The following FRAS1 variants were observed in gnomAD, a reference collection of about 807,000 sequenced individuals.
FRAS1 encodes the protein Fraser extracellular matrix complex subunit 1.
A neutral mutation model predicts 435.2 loss-of-function variants in FRAS1; 290 were observed. That is an observed-to-expected ratio of 0.67 (90% CI 0.61 to 0.73). The LOEUF (loss-of-function observed/expected upper bound fraction) is 0.73, where lower values mean the gene tolerates loss of function less well. Ranked by LOEUF, FRAS1 falls within the 30% of genes least tolerant of loss-of-function variation. FRAS1 has a pLI of 0.00. For synonymous variants in FRAS1, 1,800 were observed against 1,851.0 expected, an observed-to-expected ratio of 0.97 and a Z score of 0.71; for missense variants, 4,860 against 5,001.5, an observed-to-expected ratio of 0.97 and a Z score of 0.85.
At chr4:78,444,164 G>A (rs1718696197) in intron 41 of FRAS1, 2 of 455,406 alleles carry the variant, frequency 4.4e-6, no homozygotes, top group African/African-American at 2.0e-5. Flanking sequence ...CACTACTTGG[G>A]CCATTTTTGA....
chr4:78,252,670 G>C, intron 5 of FRAS1, 119 bp downstream of exon 5: 2 of 1,009,176 alleles, frequency 2.0e-6, no homozygotes, highest in Non-Finnish European at 2.9e-6. Context: ...ATGTTGGCTG[G>C]TCTGAGAAAT....
At chr4:78,116,236 T>A (rs529880870) in intron 2 of FRAS1, among the ~76,000 whole-genome samples, 127 of 152,174 alleles carry the variant, frequency 8.3e-4, no homozygotes, top group Admixed American at 1.4e-3. Flanking sequence ...TGCCAAGGAG[T>A]GCTTTACTTC....
chr4:78,173,775 A>C (rs1328916721), intron 2 of FRAS1, among the ~76,000 whole-genome samples: 1 of 152,200 alleles, frequency 6.6e-6, no homozygotes, highest in Admixed American at 6.5e-5. Flanking sequence ...ATTTTTTAAG[A>C]CATTCTAATT....
chr4:78,099,762 G>A (rs1471303485), intron 2 of FRAS1, among the ~76,000 whole-genome samples: 2 of 152,136 alleles, frequency 1.3e-5, no homozygotes, highest in African/African-American at 4.8e-5. Context: ...AGGTATGTTG[G>A]ATATAAATGA....
At chr4:78,113,074 G>A (rs918408270) in intron 2 of FRAS1, among the ~76,000 whole-genome samples, 19 of 152,090 alleles carry the variant, frequency 1.2e-4, no homozygotes, top group East Asian at 1.9e-4. Context: ...GAGAACATGC[G>A]GTGTTTGGTT....
chr4:78,132,952 G>A (rs1719750964), intron 2 of FRAS1, among the ~76,000 whole-genome samples: 1 of 152,166 alleles, frequency 6.6e-6, no homozygotes, highest in Non-Finnish European at 1.5e-5. Flanking sequence ...CTCAGTTTCT[G>A]ACTTCTCAGC....
At chr4:78,332,337 T>A (rs889419547) in intron 18 of FRAS1, among the ~76,000 whole-genome samples, 2 of 152,150 alleles carry the variant, frequency 1.3e-5, no homozygotes, top group East Asian at 3.9e-4. Context: ...ATCAAAAATA[T>A]AGAAAATAAA....
intron 2 of FRAS1, among the ~76,000 whole-genome samples, chr4:78,115,385 A>C (rs1743080352): frequency 6.6e-6 from 1 of 152,060 alleles, no homozygotes; most frequent in Non-Finnish European, 1.5e-5. Context: ...TATTGATTGG[A>C]ATAGTTTCAG....
At chr4:78,467,267 C>T (rs1243607197) in intron 50 of FRAS1, among the ~76,000 whole-genome samples, 2 of 152,146 alleles carry the variant, frequency 1.3e-5, no homozygotes, top group Non-Finnish European at 2.9e-5. Context: ...TCTCCTCTCT[C>T]TCTCCATGGG....
At chr4:78,368,588 A>G (rs1731373386) in intron 22 of FRAS1, among the ~76,000 whole-genome samples, 1 of 152,238 alleles carries the variant, frequency 6.6e-6, no homozygotes, top group East Asian at 1.9e-4. Flanking sequence ...TAACATTACA[A>G]GGAACAAAAC....
intron 14 of FRAS1, among the ~76,000 whole-genome samples, chr4:78,303,412 G>C (rs1226501650): frequency 2.0e-5 from 3 of 152,178 alleles, no homozygotes; most frequent in Admixed American, 6.5e-5. Flanking sequence ...TTGGTAGCTT[G>C]ATGGGGATGG....
chr4:78,432,513 G>T lies in FRAS1; in HGVS notation c.5126G>T (p.Arg1709Leu), dbSNP rs763116888. ...VRVEVSLSED[R>L]GPRLAAGSSL... ...GTAGAGGTGTCCCTGTCAGAAGACC[G>T]AGGGCCTCGACTGGCTGCTGGCTCC... is the stretch of plus-strand genomic sequence containing the variant. Residue 1709 changes from arginine (R) to leucine (L), a missense_variant, in exon 38 of 74, where the codon CGA (arginine) becomes CTA (leucine). By Grantham distance (102) the Arg-to-Leu change is moderately radical. Transcript: ENST00000512123. The T allele has an allele frequency of 6.2e-7, 1 of 1,612,840 alleles. No homozygotes were observed.
chr4:78,387,554 C>G lies in FRAS1; in HGVS notation c.3828C>G (p.Ile1276Met), dbSNP rs371740394. 4 of 1,613,894 alleles carry G rather than the reference C, an allele frequency of 2.5e-6. No individual in the cohort carries two copies. The highest frequency in any genetic ancestry group is 3.4e-6 in the Non-Finnish European group (4 of 1,179,846). Residue 1276 changes from isoleucine to methionine, a missense_variant, in exon 29 of 74, where the codon ATC becomes ATG. By Grantham distance (10) the Ile-to-Met change is conservative. Coordinates refer to ENST00000512123, the MANE Select transcript of FRAS1 (RefSeq NM_025074.7). ...LQTLQSPATP[I>M]YQFQLDELSR... The stretch of plus-strand genomic sequence containing the variant: ...CACTTCAGTCCCCGGCAACCCCTAT[C>G]TATCAATTCCAGCTGGATGAACTCT...
chr4:78,465,998 C>A (rs1452531063), intron 49 of FRAS1, among the ~76,000 whole-genome samples: 1 of 152,202 alleles, frequency 6.6e-6, no homozygotes, highest in Non-Finnish European at 1.5e-5. Context: ...TTTAATCTTA[C>A]AACTGAAGGT....
intron 2 of FRAS1, among the ~76,000 whole-genome samples, chr4:78,236,782 T>C (rs1047751967): frequency 1.4e-4 from 22 of 152,236 alleles, no homozygotes; most frequent in African/African-American, 4.6e-4. Flanking sequence ...GGTTCACTTT[T>C]CTGTTTGTGA....
intron 1 of FRAS1, among the ~76,000 whole-genome samples, chr4:78,062,617 T>C (rs1215890054): frequency 6.6e-6 from 1 of 152,368 alleles, no homozygotes. Flanking sequence ...ATGCAAATTA[T>C]ATCTCAAAAT....
At position 78,539,300 on chromosome 4, in the gene FRAS1, A is replaced by G; in HGVS notation, c.11305A>G (p.Asn3769Asp). ...CTTTTTTCTGAAATCCTAGGACCGC[A>G]ATCAGCCAGAGGTAACTGATAAGTA... Reference protein sequence around the residue: ...LKHRFLLLDRNQPEVTDKYFH... With the variant: ...LKHRFLLLDRDQPEVTDKYFH... Residue 3769 changes from asparagine (N) to aspartate (D), a missense_variant, in exon 73 of 74, where the codon AAT becomes GAT. Physicochemically the swap from Asn to Asp is conservative, Grantham distance 23. Coordinates refer to ENST00000512123, the MANE Select transcript of FRAS1 (RefSeq NM_025074.7). 3 of 1,604,092 alleles carry G rather than the reference A, an allele frequency of 1.9e-6. No homozygotes were observed. The highest frequency in any genetic ancestry group is 2.5e-6 in the Non-Finnish European group (3 of 1,177,250).
chr4:78,278,797 C>A, intron 10 of FRAS1, 53 bp downstream of exon 10: 1 of 1,033,502 alleles, frequency 9.7e-7, no homozygotes, highest in Non-Finnish European at 1.5e-6. Flanking sequence ...CAAAATTAAT[C>A]TAATGAGGGA....
intron 14 of FRAS1, among the ~76,000 whole-genome samples, chr4:78,291,195 A>G (rs1727882036): frequency 6.6e-6 from 1 of 152,232 alleles, no homozygotes; most frequent in African/African-American, 2.4e-5. Context: ...GAATGAGTGA[A>G]TTCACATATT....
Sources: allele counts gnomAD v4.1 joint callset (sites outside exome capture counted in the v4.1 genomes callset), GRCh38; gene constraint gnomAD v4.1.1; transcripts MANE v1.5; gene names NCBI Gene and HGNC (gene_info 2026-07-23, HGNC 2026-07-21).